Variants in SENP7 observed in about 807,000 individuals in gnomAD.
The protein encoded by SENP7 is sentrin-specific protease 7.
Under a neutral mutation model 141.2 loss-of-function variants are expected in SENP7, and 64 were observed. The observed-to-expected ratio is 0.45, with a 90% CI of 0.37 to 0.56. The LOEUF is 0.56. Among genes scored for constraint, SENP7 ranks in the 20% least tolerant of loss-of-function variants. The pLI is 0.00. For missense variants in SENP7, 1,025 were observed against 1,212.2 expected (o/e 0.85, Z 2.29); for synonymous variants, 382 against 426.4 (o/e 0.90, Z 1.28).
At chr3:101,417,218 ATATT>A (rs10616048) in intron 5 of SENP7, among the ~76,000 whole-genome samples, 12,525 of 152,196 alleles carry the variant, frequency 0.082, 549 homozygotes, top group Middle Eastern at 0.14. Flanking sequence ...GATGAAGAAA[ATATT>A]AATGCACATA....
At position 101,324,774 on chromosome 3, in the gene SENP7, CAT is replaced by C. The variant is rs1270578967; in HGVS notation, c.*1167_*1168del. The stretch of plus-strand genomic sequence containing the variant: ...AGATTAAAATAATATTGTTAAAAAA[CAT>C]TTTTCTTATCTGAGAAAATACAATA... On this transcript the variant is annotated 3_prime_UTR_variant, in exon 24 of 24. Transcript: ENST00000394095. The C allele has an allele frequency of 6.6e-6, 1 of 151,958 alleles. No homozygotes were observed. The highest frequency in any genetic ancestry group is 1.5e-5 in the Non-Finnish European group (1 of 67,926). 9.4% of individuals were successfully genotyped at this position (151,958 alleles called of 1,614,324 possible).
intron 2 of SENP7, among the ~76,000 whole-genome samples, chr3:101,495,220 G>A (rs2065117609): frequency 6.6e-6 from 1 of 152,036 alleles, no homozygotes; most frequent in Non-Finnish European, 1.5e-5. Flanking sequence ...ACACCACTCA[G>A]AATGGCTATT....
In SENP7 at chr3:101,414,836, T is replaced by C. The variant is rs577163420; in HGVS notation, c.482+2757A>G. 2.0e-5 allele frequency among the ~76,000 whole-genome samples: 3 copies of C among 151,994 alleles called. No homozygotes were observed. The East Asian group carries it at 5.8e-4, about 29-fold the overall frequency. On this transcript the variant is annotated intron_variant, in intron 5 of 23. Coordinates refer to ENST00000394095, the MANE Select transcript of SENP7 (RefSeq NM_020654.5). ...TGAAATGGAAAAAAGTGGTGTTAAATTGGGTCAGAGATTTACAGGAGAGTT... is the reference window on the plus strand; with the variant it reads ...TGAAATGGAAAAAAGTGGTGTTAAACTGGGTCAGAGATTTACAGGAGAGTT...
chr3:101,341,859 G>T, intron 14 of SENP7, 80 bp from the exon 15 acceptor site: 2 of 1,386,288 alleles, frequency 1.4e-6, no homozygotes, highest in South Asian at 1.7e-5. Context: ...ACGTGTGAGA[G>T]AAAATGTGAC....
intron 2 of SENP7, among the ~76,000 whole-genome samples, chr3:101,498,392 C>G (rs2065242079): frequency 6.6e-6 from 1 of 152,118 alleles, no homozygotes; most frequent in South Asian, 2.1e-4. Flanking sequence ...TCATGTACCC[C>G]CTGATATAAT....
chr3:101,402,568 G>T (rs1255853016), intron 5 of SENP7, among the ~76,000 whole-genome samples: 1 of 137,380 alleles, frequency 7.3e-6, no homozygotes, highest in African/African-American at 2.8e-5. Flanking sequence ...GTTGCAATGA[G>T]ATCATGCCAC....
In SENP7 at chr3:101,372,493, G is replaced by A. The variant is rs910715438; in HGVS notation, c.678-367C>T. ...CCTATGTATAGGCAAACAATTATAA[G>A]CCAAAGCTGAATGTTAATATATTTC... On this transcript the variant is annotated intron_variant, in intron 6 of 23. Coordinates refer to ENST00000394095, the MANE Select transcript of SENP7 (RefSeq NM_020654.5). 2.6e-5 allele frequency among the ~76,000 whole-genome samples: 4 copies of A among 152,088 alleles called. 1 individual carries two copies. Among genetic ancestry groups the A allele is most frequent in the African/African-American group, 9.7e-5 (4 of 41,434 alleles).
At chr3:101,453,959 CAAT>C (rs778248179) in intron 4 of SENP7, among the ~76,000 whole-genome samples, 2 of 150,000 alleles carry the variant, frequency 1.3e-5, no homozygotes, top group African/African-American at 2.4e-5. Context: ...AACAAAACCA[CAAT>C]GAGATACCAC....
At chr3:101,471,767 A>G (rs1217945450) in intron 3 of SENP7, among the ~76,000 whole-genome samples, 1 of 152,222 alleles carries the variant, frequency 6.6e-6, no homozygotes, top group Non-Finnish European at 1.5e-5. Context: ...ACACAGGGCT[A>G]ATATCCAGAA....
intron 4 of SENP7, among the ~76,000 whole-genome samples, chr3:101,454,436 T>TGG (rs2063276163): frequency 6.6e-6 from 1 of 151,926 alleles, no homozygotes; most frequent in Admixed American, 6.6e-5. Flanking sequence ...CGCTTGAGCC[T>TGG]GGGAGATGGA....
chr3:101,482,702 A>T (rs766237770), intron 3 of SENP7, among the ~76,000 whole-genome samples: 1 of 152,090 alleles, frequency 6.6e-6, no homozygotes, highest in Non-Finnish European at 1.5e-5. Context: ...TATGGGTGAA[A>T]GAATATTTTT....
At chr3:101,332,559 A>AT (rs980932364) in intron 18 of SENP7, among the ~76,000 whole-genome samples, 21 of 150,820 alleles carry the variant, frequency 1.4e-4, no homozygotes, top group African/African-American at 4.9e-4. Context: ...TTGTCACTTT[A>AT]TTTTTTTTTC....
At chr3:101,339,601 C>A (rs944510806) in intron 16 of SENP7, among the ~76,000 whole-genome samples, 2 of 151,866 alleles carry the variant, frequency 1.3e-5, no homozygotes, top group Non-Finnish European at 2.9e-5. Context: ...GCCTGTAATC[C>A]CAGCTACTCA....
chr3:101,342,957 C>T (rs1182657811), intron 14 of SENP7, among the ~76,000 whole-genome samples: 5 of 152,246 alleles, frequency 3.3e-5, no homozygotes, highest in Admixed American at 6.5e-5. Context: ...TAAGCCACTG[C>T]GTCCGGCCAA....
At chr3:101,350,643 T>C (rs1047335703) in intron 12 of SENP7, among the ~76,000 whole-genome samples, 1 of 152,008 alleles carries the variant, frequency 6.6e-6, no homozygotes, top group African/African-American at 2.4e-5. Context: ...ATCTAAAATA[T>C]CGTTTTTGAT....
intron 7 of SENP7, among the ~76,000 whole-genome samples, chr3:101,371,503 G>A (rs546859922): frequency 1.1e-4 from 16 of 152,138 alleles, no homozygotes; most frequent in Non-Finnish European, 1.8e-4. Flanking sequence ...AAAAGAAGTC[G>A]AATCATAAAT....
intron 1 of SENP7, among the ~76,000 whole-genome samples, chr3:101,509,727 A>C (rs1175126975): frequency 6.6e-6 from 1 of 152,218 alleles, no homozygotes; most frequent in Non-Finnish European, 1.5e-5. Context: ...GGACCTACTG[A>C]AAGATTTAAG....
At chr3:101,350,184 T>A (rs2059577468) in intron 12 of SENP7, among the ~76,000 whole-genome samples, 1 of 152,072 alleles carries the variant, frequency 6.6e-6, no homozygotes. Context: ...AATAGAAAAA[T>A]GCAACTCATG....
intron 1 of SENP7, among the ~76,000 whole-genome samples, chr3:101,506,819 G>A (rs1022125154): frequency 3.2e-4 from 49 of 152,226 alleles, no homozygotes; most frequent in African/African-American, 1.1e-3. Flanking sequence ...TTGGGAAGCC[G>A]AGGTGGGAGG....
Sources: allele counts gnomAD v4.1 joint callset (sites outside exome capture counted in the v4.1 genomes callset), GRCh38; gene constraint gnomAD v4.1.1; transcripts MANE v1.5; gene names NCBI Gene and HGNC (gene_info 2026-07-23, HGNC 2026-07-21).